CADM2: variants seen among roughly 807,000 people sequenced by gnomAD.
CADM2 encodes cell adhesion molecule 2.
Under a neutral mutation model 49.8 loss-of-function variants are expected in CADM2, and 12 were observed. The ratio of observed to expected loss-of-function variants is 0.24; its 90% CI spans 0.15 to 0.39. The LOEUF (loss-of-function observed/expected upper bound fraction) is 0.39. Among genes scored for constraint, CADM2 ranks in the 10% least tolerant of loss-of-function variants. The probability of loss-of-function intolerance (pLI) is 1.00; values close to 1 mark genes in which losing one functional copy is unlikely to be tolerated. For missense variants in CADM2, 378 were observed against 492.3 expected (o/e 0.77, Z 2.20); for synonymous variants, 214 against 175.4 (o/e 1.22, Z -1.74).
At chr3:85,947,175 G>T (rs558203847) in intron 7 of CADM2, among the ~76,000 whole-genome samples, 1 of 151,904 alleles carries the variant, frequency 6.6e-6, no homozygotes, top group Admixed American at 6.6e-5. Flanking sequence ...CATTTATGCA[G>T]CCAAAAGACA....
At chr3:85,838,773 A>ATT (rs148390070) in intron 3 of CADM2, among the ~76,000 whole-genome samples, 2 of 151,718 alleles carry the variant, frequency 1.3e-5, no homozygotes, top group African/African-American at 4.8e-5. Flanking sequence ...TCATAGATTG[A>ATT]TTTTATTTAC....
intron 8 of CADM2, among the ~76,000 whole-genome samples, chr3:86,042,326 C>T (rs1736052463): frequency 6.6e-6 from 1 of 151,992 alleles, no homozygotes; most frequent in Admixed American, 6.5e-5. Flanking sequence ...ATTGATAGAC[C>T]ACTAGCAAGA....
chr3:85,913,494 C>T (rs935746215), intron 6 of CADM2, among the ~76,000 whole-genome samples: 4 of 152,114 alleles, frequency 2.6e-5, no homozygotes, highest in African/African-American at 9.7e-5. Flanking sequence ...ACTCTAAGTA[C>T]TGTTCCAATA....
chr3:84,961,663 G>A (rs1248402820), intron 1 of CADM2, among the ~76,000 whole-genome samples: 1 of 152,250 alleles, frequency 6.6e-6, no homozygotes, highest in Non-Finnish European at 1.5e-5. Flanking sequence ...GGCGTGTGCC[G>A]TGTTGGGGGA....
chr3:85,190,477 G>C (rs1413171696), intron 1 of CADM2, among the ~76,000 whole-genome samples: 2 of 152,022 alleles, frequency 1.3e-5, no homozygotes, highest in Non-Finnish European at 2.9e-5. Context: ...CATATGAGAA[G>C]TATAGTGTTA....
At chr3:85,851,534 A>G (rs1351832444) in intron 3 of CADM2, among the ~76,000 whole-genome samples, 1 of 151,586 alleles carries the variant, frequency 6.6e-6, no homozygotes, top group Non-Finnish European at 1.5e-5. Context: ...TTTTTATTGT[A>G]TTATTCCAGT....
At chr3:85,766,396 T>A (rs2069658473) in intron 2 of CADM2, among the ~76,000 whole-genome samples, 1 of 152,178 alleles carries the variant, frequency 6.6e-6, no homozygotes, top group Non-Finnish European at 1.5e-5. Context: ...GGAAGTATGC[T>A]CACCTAAATT....
At chr3:85,081,426 G>A (rs1022308893) in intron 1 of CADM2, among the ~76,000 whole-genome samples, 2 of 152,026 alleles carry the variant, frequency 1.3e-5, no homozygotes, top group Non-Finnish European at 2.9e-5. Context: ...ACCTCATTTT[G>A]AATATTTGAA....
chr3:85,980,671 T>C (rs777832202), intron 8 of CADM2, among the ~76,000 whole-genome samples: 1 of 151,592 alleles, frequency 6.6e-6, no homozygotes, highest in Non-Finnish European at 1.5e-5. Flanking sequence ...TATAATATTA[T>C]GTAAAATGAA....
At chr3:85,389,319 T>C (rs1364653366) in intron 1 of CADM2, among the ~76,000 whole-genome samples, 3 of 152,104 alleles carry the variant, frequency 2.0e-5, no homozygotes, top group African/African-American at 4.8e-5. Flanking sequence ...ACAAGTAGTA[T>C]GGAAAATGCT....
At chr3:85,246,233 G>A (rs1233258092) in intron 1 of CADM2, among the ~76,000 whole-genome samples, 1 of 151,988 alleles carries the variant, frequency 6.6e-6, no homozygotes, top group Non-Finnish European at 1.5e-5. Flanking sequence ...ACTCATAGGT[G>A]GGAATTGAAC....
At chr3:85,409,298 C>T (rs2035549962) in intron 1 of CADM2, among the ~76,000 whole-genome samples, 1 of 152,050 alleles carries the variant, frequency 6.6e-6, no homozygotes, top group Non-Finnish European at 1.5e-5. Context: ...TGCTCTTTAT[C>T]ATCTTCCAAA....
chr3:86,020,806 C>T (rs1011580150), intron 8 of CADM2, among the ~76,000 whole-genome samples: 25 of 152,108 alleles, frequency 1.6e-4, no homozygotes, highest in Non-Finnish European at 2.8e-4. Flanking sequence ...GCTAAAATCT[C>T]TCAATAAATT....
chr3:85,491,452 T>G (rs925292789), intron 1 of CADM2, among the ~76,000 whole-genome samples: 19 of 152,182 alleles, frequency 1.2e-4, no homozygotes, highest in Admixed American at 3.3e-4. Context: ...TTTTTGCCAT[T>G]GAAATCATAG....
intron 1 of CADM2, among the ~76,000 whole-genome samples, chr3:85,285,414 A>C (rs2106907987): frequency 6.6e-6 from 1 of 152,258 alleles, no homozygotes; most frequent in Middle Eastern, 3.4e-3. Context: ...TAAAGTGGAA[A>C]ATGCATTTAA....
intron 1 of CADM2, among the ~76,000 whole-genome samples, chr3:85,480,770 T>G (rs1273892427): frequency 6.6e-6 from 1 of 151,776 alleles, no homozygotes; most frequent in Non-Finnish European, 1.5e-5. Flanking sequence ...TTCAGTGATT[T>G]CAGTTATATG....
chr3:85,873,958 C>T (rs1252357437), intron 3 of CADM2, among the ~76,000 whole-genome samples: 8 of 151,696 alleles, frequency 5.3e-5, no homozygotes, highest in African/African-American at 9.7e-5. Flanking sequence ...TGAAACTTTC[C>T]GTAGCAAAAA....
intron 1 of CADM2, among the ~76,000 whole-genome samples, chr3:85,559,124 C>T (rs1183921588): frequency 6.6e-6 from 1 of 151,916 alleles, no homozygotes; most frequent in African/African-American, 2.4e-5. Context: ...TTGTGTTTTA[C>T]TCTCCATTTA....
rs533774652 is a variant in CADM2 at position 86,058,695 on chromosome 3, T to C, written c.971-6910T>C. Among the ~76,000 whole-genome samples, 17 of 152,188 alleles carry C rather than the reference T, an allele frequency of 1.1e-4. No homozygotes were observed. The South Asian group carries it at 1.7e-3, about 15-fold the overall frequency. ...GTATAAAAATGTCCTTGGAACTTAATTTTAAAATATTTTAAATAAAATGAT... is the reference window on the plus strand; with the variant it reads ...GTATAAAAATGTCCTTGGAACTTAACTTTAAAATATTTTAAATAAAATGAT... On this transcript the variant is annotated intron_variant, in intron 8 of 9. Coordinates refer to ENST00000383699, the MANE Select transcript of CADM2 (RefSeq NM_001167675.2).
Sources: gnomAD v4.1 joint callset for allele counts (sites outside exome capture counted in the v4.1 genomes callset) on GRCh38, gnomAD v4.1.1 for gene constraint, MANE v1.5 for transcripts, NCBI Gene and HGNC (gene_info 2026-07-23, HGNC 2026-07-21) for gene names.